SYNE1: variants seen among roughly 807,000 people sequenced by gnomAD.
SYNE1 encodes the protein nesprin-1.
In SYNE1, 616 loss-of-function variants were observed where a neutral mutation model predicts 1,111.0. The ratio of observed to expected loss-of-function variants is 0.55; its 90% CI spans 0.52 to 0.59. The LOEUF is 0.59. Among genes scored for constraint, SYNE1 ranks in the 20% least tolerant of loss-of-function variants. SYNE1 has a pLI of 0.00. For synonymous variants in SYNE1, 3,855 were observed against 3,825.8 expected (o/e 1.01, Z -0.28); for missense variants, 10,006 against 10,417.0 (o/e 0.96, Z 1.72).
chr6:152,454,186 G>T (rs1319206687), intron 24 of SYNE1, among the ~76,000 whole-genome samples: 2 of 112,690 alleles, frequency 1.8e-5, no homozygotes, highest in Admixed American at 8.3e-5. Context: ...GCACACAGAA[G>T]CACACATGTG....
rs1296548286 is a variant in SYNE1 at position 152,278,196 on chromosome 6, C to A, written c.18466G>T (p.Ala6156Ser). 1 of 1,614,180 alleles carries A rather than the reference C, an allele frequency of 6.2e-7. No individual in the cohort carries two copies. The highest frequency in any genetic ancestry group is 1.1e-5 in the South Asian group (1 of 91,078). ...TGCTCGGCCTCGTCCTTGGTGTGAG[C>A]TTTGCCCTCCAGCAGCAGGTTCTCA... ...HNENLLLEGK[A>S]HTKDEAEQLA... Residue 6156 changes from alanine to serine, a missense_variant, in exon 98 of 146, where the codon GCT (alanine) becomes TCT (serine). Transcript: ENST00000367255.
At chr6:152,200,586 G>A (rs945459866) in intron 127 of SYNE1, among the ~76,000 whole-genome samples, 1 of 152,066 alleles carries the variant, frequency 6.6e-6, no homozygotes, top group Non-Finnish European at 1.5e-5. Flanking sequence ...TTTAGATATG[G>A]AGTCTTGCCA....
chr6:152,188,303 C>A (rs771015562), intron 128 of SYNE1, among the ~76,000 whole-genome samples: 1 of 152,126 alleles, frequency 6.6e-6, no homozygotes, highest in Non-Finnish European at 1.5e-5. Context: ...GCATTTGGGT[C>A]TGTTCTTCAT....
chr6:152,234,306 C>T (rs200915290), intron 111 of SYNE1, among the ~76,000 whole-genome samples: 3 of 151,280 alleles, frequency 2.0e-5, no homozygotes, highest in African/African-American at 7.3e-5. Context: ...TTCTTTTTTT[C>T]TTTTTAGATG....
chr6:152,607,675 A>G (rs2099619790), intron 3 of SYNE1, among the ~76,000 whole-genome samples: 1 of 152,306 alleles, frequency 6.6e-6, no homozygotes, highest in Non-Finnish European at 1.5e-5. Flanking sequence ...CAACAATCCC[A>G]TTACTGGGTA....
At position 152,436,209 on chromosome 6, in the gene SYNE1, G is replaced by C. The variant is rs1161033469; in HGVS notation, c.4150-108C>G. The C allele has an allele frequency of 6.0e-6, 7 of 1,163,202 alleles. No individual in the cohort carries two copies. In the Admixed American group the frequency reaches 1.3e-4, roughly 22 times the overall value. The allele number at this position is 1,163,202 out of a possible 1,614,324, so 72.1% of individuals were successfully genotyped here. A position where few individuals can be genotyped will look rare whatever the true frequency, so the allele number is the denominator to read the frequency against. On this transcript the variant is annotated intron_variant, in intron 32 of 145. Coordinates refer to ENST00000367255, the MANE Select transcript of SYNE1 (RefSeq NM_182961.4). ...GAACAGATGGGTGGATGAAGACATAGAGTCATACATGTATGGATCTTACAT... is the reference window on the plus strand; with the variant it reads ...GAACAGATGGGTGGATGAAGACATACAGTCATACATGTATGGATCTTACAT...
intron 108 of SYNE1, among the ~76,000 whole-genome samples, chr6:152,237,839 A>G (rs1213594709): frequency 6.6e-6 from 1 of 151,904 alleles, no homozygotes; most frequent in Non-Finnish European, 1.5e-5. Flanking sequence ...ACTTTTTAAA[A>G]GATCAGTTGA....
chr6:152,328,622 G>A (rs1230197947), intron 78 of SYNE1, among the ~76,000 whole-genome samples: 3 of 151,534 alleles, frequency 2.0e-5, no homozygotes, highest in East Asian at 3.9e-4. Flanking sequence ...ATGTTGGTCA[G>A]GCTGGTGTCA....
At chr6:152,225,576 A>T in intron 116 of SYNE1, 145 bp downstream of exon 116, 8 of 894,642 alleles carry the variant, frequency 8.9e-6, no homozygotes, top group Non-Finnish European at 1.4e-5. Context: ...AAAAAAAAAG[A>T]GGATAACGAA....
At chr6:152,546,559 A>G (rs1472547209) in intron 3 of SYNE1, 2 of 152,194 alleles carry the variant, frequency 1.3e-5, no homozygotes, top group East Asian at 3.8e-4. Flanking sequence ...CCTCTACACA[A>G]GGAAACTGGT....
intron 131 of SYNE1, among the ~76,000 whole-genome samples, chr6:152,162,110 A>G (rs1021078343): frequency 1.3e-5 from 2 of 152,230 alleles, no homozygotes; most frequent in African/African-American, 4.8e-5. Context: ...GGCTGGGCTT[A>G]GGAGGAATCT....
intron 2 of SYNE1, among the ~76,000 whole-genome samples, chr6:152,630,734 G>A (rs557923439): frequency 2.0e-4 from 31 of 152,284 alleles, no homozygotes; most frequent in African/African-American, 6.7e-4. Context: ...GCTGGGCTCA[G>A]CACTGGAGCT....
In SYNE1 at chr6:152,430,096, T is replaced by C; in HGVS notation, c.4788+16A>G. The C allele has an allele frequency of 6.6e-7, 1 of 1,523,300 alleles. No individual in the cohort carries two copies. Among genetic ancestry groups the C allele is most frequent in the Non-Finnish European group, 9.0e-7 (1 of 1,105,158 alleles). The allele number at this position is 1,523,300 out of a possible 1,614,324, so 94.4% of individuals were successfully genotyped here. A position where few individuals can be genotyped will look rare whatever the true frequency, so the allele number is the denominator to read the frequency against. On this transcript the variant is annotated intron_variant, in intron 36 of 145. Coordinates refer to ENST00000367255, the MANE Select transcript of SYNE1 (RefSeq NM_182961.4). Reference sequence around the variant, plus strand: ...TTAAGTTGGTAAATAGTAGAAATGTTGAAGCATACTCTTACCATATGTTCT... The same window carrying C: ...TTAAGTTGGTAAATAGTAGAAATGTCGAAGCATACTCTTACCATATGTTCT...
intron 131 of SYNE1, among the ~76,000 whole-genome samples, chr6:152,160,372 GCTC>G (rs780001109): frequency 3.3e-5 from 5 of 151,952 alleles, no homozygotes; most frequent in African/African-American, 7.2e-5. Flanking sequence ...GCCCCTCCTG[GCTC>G]CTCCTGGAAA....
chr6:152,201,999 CTG>C, intron 126 of SYNE1, 50 bp from the exon 127 acceptor site: 2 of 1,603,988 alleles, frequency 1.2e-6, no homozygotes, highest in South Asian at 2.2e-5. Context: ...ATGTAGGAAA[CTG>C]GGGGGGGAAA....
chr6:152,502,200 T>C (rs1164979199), intron 10 of SYNE1, among the ~76,000 whole-genome samples: 2 of 151,818 alleles, frequency 1.3e-5, no homozygotes, highest in Non-Finnish European at 2.9e-5. Flanking sequence ...CTTTTACAAA[T>C]TGCGTCTTAC....
intron 108 of SYNE1, among the ~76,000 whole-genome samples, chr6:152,239,085 G>C (rs2084921652): frequency 6.6e-6 from 1 of 151,724 alleles, no homozygotes; most frequent in Non-Finnish European, 1.5e-5. Context: ...TTTTAGTAGA[G>C]ACGGGGTTTC....
At chr6:152,322,282 G>A (rs1310473107) in intron 82 of SYNE1, among the ~76,000 whole-genome samples, 1 of 152,144 alleles carries the variant, frequency 6.6e-6, no homozygotes, top group Non-Finnish European at 1.5e-5. Flanking sequence ...CTTTGGAAAT[G>A]TCATAATTAA....
Position 152,136,748 on chromosome 6 carries a change from G to A in SYNE1, c.25529C>T (p.Thr8510Ile), listed in dbSNP as rs1404247560. 4 of 1,614,238 alleles carry A rather than the reference G, an allele frequency of 2.5e-6. No individual in the cohort carries two copies. Among genetic ancestry groups the A allele is most frequent in the East Asian group, 2.2e-5 (1 of 44,876 alleles). Residue 8510 changes from threonine (T) to isoleucine (I), a missense_variant, in exon 141 of 146, where the codon ACC becomes ATC. This residue lies in a region of SYNE1 where 761 missense variants were observed against 795.5 expected (regional missense o/e 0.96). Transcript: ENST00000367255. ...CCGGCTCTCCTTGCTGTCAGCCTGG[G>A]TGAACTCAGGGCTGCAGAGATTGAT... ...LSINLCSPEF[T>I]QADSKESRDL...
Sources: gnomAD v4.1 joint callset for allele counts (sites outside exome capture counted in the v4.1 genomes callset) on GRCh38, gnomAD v4.1.1 for gene constraint, gnomAD v4.1.1 regional missense constraint, MANE v1.5 for transcripts, NCBI Gene and HGNC (gene_info 2026-07-23, HGNC 2026-07-21) for gene names.